Variants in VAT1L observed in about 807,000 individuals in gnomAD.
VAT1L encodes the protein vesicle amine transport 1 like.
A neutral mutation model predicts 44.1 loss-of-function variants in VAT1L; 34 were observed. The ratio of observed to expected loss-of-function variants is 0.77; its 90% confidence interval spans 0.59 to 1.03. The LOEUF (loss-of-function observed/expected upper bound fraction) is 1.03, where lower values mean the gene tolerates loss of function less well. Among genes scored for constraint, VAT1L ranks in the 50% least tolerant of loss-of-function variants. VAT1L has a pLI of 0.00. For synonymous variants in VAT1L, 253 were observed against 202.2 expected, an observed-to-expected ratio of 1.25 and a Z score of -2.13; for missense variants, 615 against 538.8, an observed-to-expected ratio of 1.14 and a Z score of -1.40.
chr16:77,891,905 T>C lies in VAT1L; in HGVS notation c.1077+7103T>C, dbSNP rs180945371. Among the ~76,000 whole-genome samples, 273 of 152,218 alleles carry C rather than the reference T, an allele frequency of 1.8e-3. 1 individual carries two copies. The highest frequency in any genetic ancestry group is 4.1e-3 in the Admixed American group (62 of 15,292). On this transcript the variant is annotated intron_variant, in intron 7 of 8. Transcript: ENST00000302536. ...GGCTCACACAGTGAAACCCTGTCTC[T>C]ACTAAGAATACAAAAAATTAGCCCG...
At chr16:77,887,862 A>G (rs1407314233) in intron 7 of VAT1L, among the ~76,000 whole-genome samples, 2 of 152,032 alleles carry the variant, frequency 1.3e-5, no homozygotes, top group Admixed American at 1.3e-4. Flanking sequence ...AAATCCTTCC[A>G]TGGCTTCCTG....
At chr16:77,899,736 G>T in intron 7 of VAT1L, among the ~76,000 whole-genome samples, 1 of 152,334 alleles carries the variant, frequency 6.6e-6, no homozygotes, top group Admixed American at 6.5e-5. Context: ...TGAAAACCAC[G>T]TGATGCTCAC....
intron 2 of VAT1L, among the ~76,000 whole-genome samples, chr16:77,821,131 G>C (rs904538827): frequency 6.6e-6 from 1 of 152,122 alleles, no homozygotes; most frequent in African/African-American, 2.4e-5. Flanking sequence ...ACCAAGCATT[G>C]GGTCATGCAT....
At chr16:77,833,302 A>G (rs2145253208) in intron 3 of VAT1L, among the ~76,000 whole-genome samples, 1 of 152,326 alleles carries the variant, frequency 6.6e-6, no homozygotes, top group Non-Finnish European at 1.5e-5. Flanking sequence ...AGGGAGATAC[A>G]AGGTGATATG....
intron 7 of VAT1L, among the ~76,000 whole-genome samples, chr16:77,970,918 C>G (rs972305325): frequency 4.3e-4 from 65 of 152,184 alleles, no homozygotes; most frequent in African/African-American, 1.5e-3. Flanking sequence ...CTAGGCTAGA[C>G]GCAACATTTA....
chr16:77,854,234 C>T (rs907344593), intron 3 of VAT1L, among the ~76,000 whole-genome samples: 4 of 152,192 alleles, frequency 2.6e-5, no homozygotes, highest in African/African-American at 7.2e-5. Flanking sequence ...GCCATGCACC[C>T]CTGTAACCTC....
At position 77,946,279 on chromosome 16, in the gene VAT1L, C is replaced by CTTTTT. The variant is rs66461822; in HGVS notation, c.1078-25553_1078-25549dup. ...GTTCTGGACATCTAGGTTACTTGTT[C>CTTTTT]TTTTTTTTTTTTTTTTTTTTTTGAG... On this transcript the variant is annotated intron_variant, in intron 7 of 8. Coordinates refer to ENST00000302536, the MANE Select transcript of VAT1L (RefSeq NM_020927.3). Among the ~76,000 whole-genome samples, 23 of 70,410 alleles carry CTTTTT rather than the reference C, an allele frequency of 3.3e-4. 5 individuals carry two copies. Among genetic ancestry groups the CTTTTT allele is most frequent in the South Asian group, 2.1e-3 (3 of 1,458 alleles). The allele number at this position is 70,410 out of a possible 152,430, so 46.2% of individuals were successfully genotyped here. A position where few individuals can be genotyped will look rare whatever the true frequency, so the allele number is the denominator to read the frequency against.
At chr16:77,846,327 C>G (rs2016757946) in intron 3 of VAT1L, among the ~76,000 whole-genome samples, 1 of 152,140 alleles carries the variant, frequency 6.6e-6, no homozygotes, top group Non-Finnish European at 1.5e-5. Context: ...CGCTTGATCC[C>G]TCAGTGAACC....
At position 77,788,647 on chromosome 16, in the gene VAT1L, C is replaced by T; in HGVS notation, c.-36C>T. On this transcript the variant is annotated 5_prime_UTR_variant, in exon 1 of 9. Coordinates refer to ENST00000302536, the MANE Select transcript of VAT1L (RefSeq NM_020927.3). ...TCCCCCAGCGCCGCAGCCACCGCAGCCACCGCAGCCCGTGCGCCCCGCGCC... is the reference window on the plus strand; with the variant it reads ...TCCCCCAGCGCCGCAGCCACCGCAGTCACCGCAGCCCGTGCGCCCCGCGCC... 3 of 1,543,768 alleles carry T rather than the reference C, an allele frequency of 1.9e-6. No individual in the cohort carries two copies. Among genetic ancestry groups the T allele is most frequent in the Non-Finnish European group, 2.6e-6 (3 of 1,144,326 alleles).
intron 4 of VAT1L, among the ~76,000 whole-genome samples, chr16:77,865,000 G>C (rs1161191041): frequency 3.9e-5 from 5 of 129,800 alleles, no homozygotes; most frequent in Non-Finnish European, 7.8e-5. Context: ...TTGAGACGGA[G>C]TCTCGCTCTG....
At chr16:77,941,995 T>C (rs761481001) in intron 7 of VAT1L, among the ~76,000 whole-genome samples, 25 of 152,206 alleles carry the variant, frequency 1.6e-4, no homozygotes, top group Non-Finnish European at 1.8e-4. Flanking sequence ...TTTTTACTTT[T>C]TAATAATAGC....
At chr16:77,798,055 G>A (rs1248522806) in intron 1 of VAT1L, among the ~76,000 whole-genome samples, 1 of 152,148 alleles carries the variant, frequency 6.6e-6, no homozygotes, top group Non-Finnish European at 1.5e-5. Flanking sequence ...TCAGTCTCCT[G>A]TCACTGACCC....
At chr16:77,885,053 C>A (rs551878246) in intron 7 of VAT1L, among the ~76,000 whole-genome samples, 51 of 152,284 alleles carry the variant, frequency 3.3e-4, no homozygotes, top group Middle Eastern at 3.4e-3. Context: ...GTAAGGCCAC[C>A]AAATTTTGAT....
intron 7 of VAT1L, among the ~76,000 whole-genome samples, chr16:77,914,659 C>T (rs1400081149): frequency 2.0e-5 from 3 of 151,688 alleles, no homozygotes; most frequent in Non-Finnish European, 4.4e-5. Context: ...TTATCAGTCA[C>T]GTATCAGATT....
At chr16:77,940,837 C>T (rs2017873858) in intron 7 of VAT1L, among the ~76,000 whole-genome samples, 1 of 152,080 alleles carries the variant, frequency 6.6e-6, no homozygotes, top group Admixed American at 6.5e-5. Context: ...CATGGAATAG[C>T]CTTACATTGT....
intron 4 of VAT1L, 148 bp from the exon 5 acceptor site, chr16:77,876,222 C>T: frequency 1.5e-6 from 1 of 647,042 alleles, no homozygotes; most frequent in East Asian, 2.7e-5. Context: ...TATCCACCTC[C>T]TGGGCTTCTG....
intron 6 of VAT1L, among the ~76,000 whole-genome samples, chr16:77,883,146 TATAA>T (rs748107395): frequency 7.9e-5 from 12 of 152,188 alleles, no homozygotes; most frequent in Non-Finnish European, 1.8e-4. Context: ...GAAAACAGGA[TATAA>T]ATGAGCTCAA....
At chr16:77,853,874 C>G (rs1567488222) in intron 3 of VAT1L, among the ~76,000 whole-genome samples, 1 of 152,180 alleles carries the variant, frequency 6.6e-6, no homozygotes, top group Non-Finnish European at 1.5e-5. Flanking sequence ...GGCGCCGTGA[C>G]TCATACCTGT....
At chr16:77,939,277 G>T (rs916162162) in intron 7 of VAT1L, among the ~76,000 whole-genome samples, 1 of 152,226 alleles carries the variant, frequency 6.6e-6, no homozygotes, top group Non-Finnish European at 1.5e-5. Flanking sequence ...GCAACACTCT[G>T]TGGGGTGCTG....
Sources: gnomAD v4.1 joint callset for allele counts (sites outside exome capture counted in the v4.1 genomes callset) on GRCh38, gnomAD v4.1.1 for gene constraint, MANE v1.5 for transcripts, NCBI Gene and HGNC (gene_info 2026-07-23, HGNC 2026-07-21) for gene names.